The following VDAC3 variants were observed in gnomAD, a reference collection of about 807,000 sequenced individuals.
The protein encoded by VDAC3 is voltage dependent anion channel 3, also known as non-selective voltage-gated ion channel VDAC3.
Under a neutral mutation model 33.9 loss-of-function variants are expected in VDAC3, and 7 were observed. The ratio of observed to expected loss-of-function variants is 0.21; its 90% CI spans 0.12 to 0.39. The LOEUF is 0.39. Among genes scored for constraint, VDAC3 ranks in the 10% least tolerant of loss-of-function variants. The pLI is 1.00. For synonymous variants in VDAC3, 100 were observed against 122.4 expected (o/e 0.82, Z 1.21); for missense variants, 261 against 334.5 (o/e 0.78, Z 1.71).
At chr8:42,399,925 T>C (rs963854592) in intron 6 of VDAC3, among the ~76,000 whole-genome samples, 1 of 152,206 alleles carries the variant, frequency 6.6e-6, no homozygotes, top group Non-Finnish European at 1.5e-5. Context: ...CAAAAATGTA[T>C]AAATGTATTT....
At chr8:42,400,511 A>T (rs1396550872) in intron 6 of VDAC3, among the ~76,000 whole-genome samples, 1 of 151,806 alleles carries the variant, frequency 6.6e-6, no homozygotes, top group African/African-American at 2.4e-5. Flanking sequence ...CCTCGTGAAA[A>T]AAAGGGGGAT....
Position 42,395,078 on chromosome 8 carries a change from G to C in VDAC3, c.68-6G>C. The C allele has an allele frequency of 6.2e-7, 1 of 1,613,888 alleles. No homozygotes were observed. ...TTACTGTGTTTTTGTGTGTGTGTGT[G>C]TATAGGCTTTGGCATGGTCAAGATA... is the stretch of plus-strand genomic sequence containing the variant. On this transcript the variant is annotated splice_region_variant and splice_polypyrimidine_tract_variant and intron_variant, in intron 3 of 9. Transcript: ENST00000022615.
intron 8 of VDAC3, 37 bp from the exon 9 acceptor site, chr8:42,404,830 C>T (rs1291510137): frequency 1.3e-6 from 2 of 1,568,516 alleles, no homozygotes; most frequent in Middle Eastern, 3.4e-4. Context: ...ATCTGTAATT[C>T]ACTGTTTTCT....
chr8:42,401,688 T>C (rs1326741648), intron 6 of VDAC3, 100 bp from the exon 7 acceptor site: 22 of 1,007,462 alleles, frequency 2.2e-5, no homozygotes, highest in Non-Finnish European at 3.0e-5. Context: ...AATATTTACA[T>C]TGGGAGATGA....
intron 6 of VDAC3, 41 bp from the exon 7 acceptor site, chr8:42,401,747 G>T (rs780069111): frequency 6.3e-7 from 1 of 1,592,474 alleles, no homozygotes; most frequent in Non-Finnish European, 8.6e-7. Context: ...AAGAACTCAT[G>T]TTGTTTTCAT....
chr8:42,400,628 C>CT (rs1802399777), intron 6 of VDAC3, among the ~76,000 whole-genome samples: 1 of 134,542 alleles, frequency 7.4e-6, no homozygotes, highest in South Asian at 2.3e-4. Flanking sequence ...CAGGTGTGTT[C>CT]TTTTTGCCAC....
At chr8:42,402,270 G>A (rs1265931338) in intron 7 of VDAC3, 1 of 532,548 alleles carries the variant, frequency 1.9e-6, no homozygotes, top group Non-Finnish European at 3.4e-6. Flanking sequence ...AGAACCACTG[G>A]GATAGAGGGA....
rs1802258912 is a variant in VDAC3 at position 42,394,259 on chromosome 8, T to C, written c.48T>C (p.Asp16=). 1 of 1,613,584 alleles carries C rather than the reference T, an allele frequency of 6.2e-7. No individual in the cohort carries two copies. The highest frequency in any genetic ancestry group is 1.1e-5 in the South Asian group (1 of 91,064). The change falls in exon 3 of 10, where the codon GAT becomes GAC. Residue 16 remains aspartate (D), a synonymous_variant. Transcript: ENST00000022615. ...GTGACCTAGGAAAGGCTGCTAAGGA[T>C]GTCTTCAACAAAGGATATGGTAAGT... is the stretch of plus-strand genomic sequence containing the variant. The part of the protein sequence containing the change: ...TYCDLGKAAK[D]VFNKGYGFGM...
chr8:42,394,051 A>G (rs1802255700), intron 2 of VDAC3, among the ~76,000 whole-genome samples, 159 bp from the exon 3 acceptor site: 1 of 152,248 alleles, frequency 6.6e-6, no homozygotes, highest in Non-Finnish European at 1.5e-5. Context: ...TTTAAGGAGC[A>G]GACTGCTGTC....
Position 42,396,141 on chromosome 8 carries a change from C to T in VDAC3, c.117+1008C>T, listed in dbSNP as rs552444816. On this transcript the variant is annotated intron_variant, in intron 4 of 9. Transcript: ENST00000022615. ...GACCTGATGACGGGTGCCTGTAGTCCTGGCTACTTGGGAGGCTGAGGCAGG... is the reference window on the plus strand; with the variant it reads ...GACCTGATGACGGGTGCCTGTAGTCTTGGCTACTTGGGAGGCTGAGGCAGG... Among the ~76,000 whole-genome samples the T allele has an allele frequency of 4.3e-4, 65 of 152,156 alleles. 1 individual carries two copies. Among genetic ancestry groups the T allele is most frequent in the African/African-American group, 1.5e-3 (61 of 41,516 alleles).
chr8:42,400,864 C>T (rs1802405007), intron 6 of VDAC3, among the ~76,000 whole-genome samples: 1 of 151,486 alleles, frequency 6.6e-6, no homozygotes, highest in Non-Finnish European at 1.5e-5. Flanking sequence ...CGGAGTTTTA[C>T]CACGTTGGGC....
At chr8:42,392,697 T>C (rs1224447806) in intron 1 of VDAC3, among the ~76,000 whole-genome samples, 1 of 152,226 alleles carries the variant, frequency 6.6e-6, no homozygotes, top group Non-Finnish European at 1.5e-5. Flanking sequence ...TGCTGAAATA[T>C]TGTAAATAGT....
intron 4 of VDAC3, chr8:42,397,458 G>A (rs1329835887): frequency 1.3e-5 from 2 of 152,214 alleles, no homozygotes; most frequent in African/African-American, 2.4e-5. Flanking sequence ...AGACTGGTCA[G>A]GGTTGGCAGC....
chr8:42,405,227 A>AGG (rs1196502639), intron 9 of VDAC3, 144 bp from the exon 10 acceptor site: 1 of 690,238 alleles, frequency 1.4e-6, no homozygotes, highest in African/African-American at 1.8e-5. Flanking sequence ...ATAGTTATAA[A>AGG]TAACCGATTG....
In VDAC3 at chr8:42,405,588, T is replaced by A; in HGVS notation, c.*126T>A. On this transcript the variant is annotated 3_prime_UTR_variant, in exon 10 of 10. Transcript: ENST00000022615. ...AACTTTTTATTCTTCCAAAGAATTG[T>A]AATCCTCCCCACACTGAAGTCTAGG... The A allele has an allele frequency of 1.3e-6, 1 of 789,554 alleles. No homozygotes were observed. 48.9% of individuals were successfully genotyped at this position (789,554 alleles called of 1,614,324 possible). A position where few individuals can be genotyped will look rare whatever the true frequency, so the allele number is the denominator to read the frequency against.
intron 8 of VDAC3, among the ~76,000 whole-genome samples, chr8:42,404,525 C>G (rs1802467435): frequency 6.6e-6 from 1 of 151,932 alleles, no homozygotes; most frequent in Non-Finnish European, 1.5e-5. Context: ...GAGTTTGAGA[C>G]CAGCCTGGCC....
chr8:42,401,728 G>A, intron 6 of VDAC3, 60 bp from the exon 7 acceptor site: 1 of 1,504,308 alleles, frequency 6.6e-7, no homozygotes, highest in Non-Finnish European at 9.2e-7. Context: ...AAAATTCCTA[G>A]ACAGTAGTAA....
rs6773 is a variant in VDAC3 at position 42,405,639 on chromosome 8, T to C, written c.*177T>C. The C allele has an allele frequency of 0.14, 76,145 of 560,894 alleles. 11,458 individuals carry two copies. The highest frequency in any genetic ancestry group is 0.56 in the African/African-American group (29,675 of 52,678). The allele number at this position is 560,894 out of a possible 1,614,324, so 34.7% of individuals were successfully genotyped here. ...GGTTGCGAATCCCTCCTGAGGGAGA[T>C]GCTTGAAGGCATGCCTGGAAGTTGT... On this transcript the variant is annotated 3_prime_UTR_variant, in exon 10 of 10. Transcript: ENST00000022615.
chr8:42,403,995 TTTC>T (rs1802460918), intron 8 of VDAC3, among the ~76,000 whole-genome samples: 1 of 152,232 alleles, frequency 6.6e-6, no homozygotes, highest in South Asian at 2.1e-4. Flanking sequence ...GCCTCAGAAT[TTTC>T]TTATTTGGAA....
Sources: gnomAD v4.1 joint callset for allele counts (sites outside exome capture counted in the v4.1 genomes callset) on GRCh38, gnomAD v4.1.1 for gene constraint, MANE v1.5 for transcripts, NCBI Gene and HGNC (gene_info 2026-07-23, HGNC 2026-07-21) for gene names.